ADGRL3: variants seen among roughly 807,000 people sequenced by gnomAD.
The protein encoded by ADGRL3 is calcium-independent alpha-latrotoxin receptor 3.
ADGRL3 carries 62 observed loss-of-function variants against 153.5 expected under a neutral mutation model. That is an observed-to-expected ratio of 0.40 (90% CI 0.33 to 0.50). The LOEUF is 0.50. ADGRL3 is among the 20% of genes least tolerant of loss of function. The probability of loss-of-function intolerance (pLI) is 0.47; values close to 1 mark genes in which losing one functional copy is unlikely to be tolerated. For missense variants in ADGRL3, 1,641 were observed against 1,859.4 expected, an observed-to-expected ratio of 0.88 and a Z score of 2.16; for synonymous variants, 710 against 672.5, an observed-to-expected ratio of 1.06 and a Z score of -0.86.
intron 9 of ADGRL3, among the ~76,000 whole-genome samples, chr4:61,816,858 C>A (rs2097694157): frequency 6.6e-6 from 1 of 152,148 alleles, no homozygotes. Flanking sequence ...CCCAGCCATC[C>A]CTGAGCTCTC....
chr4:61,648,540 C>A (rs186921163), intron 5 of ADGRL3, among the ~76,000 whole-genome samples: 42 of 148,402 alleles, frequency 2.8e-4, no homozygotes, highest in African/African-American at 1.0e-3. Flanking sequence ...TTTTCTGTTT[C>A]TTTTGGGGTT....
At chr4:62,029,054 T>G (rs550240898) in intron 22 of ADGRL3, among the ~76,000 whole-genome samples, 173 bp downstream of exon 22, 1 of 151,782 alleles carries the variant, frequency 6.6e-6, no homozygotes, top group Non-Finnish European at 1.5e-5. Context: ...ATAAATATGC[T>G]GCAGGTGTAT....
chr4:61,402,792 G>A lies in ADGRL3; in HGVS notation c.-174+19603G>A, dbSNP rs185260450. On this transcript the variant is annotated intron_variant, in intron 2 of 26. Coordinates refer to ENST00000683033, the MANE Select transcript of ADGRL3 (RefSeq NM_001387552.1). ...TTTCTTAATAAAAATGAATTGGGGAGGTGCGTTTCCATCATATTTCATTCA... is the reference window on the plus strand; with the variant it reads ...TTTCTTAATAAAAATGAATTGGGGAAGTGCGTTTCCATCATATTTCATTCA... Among the ~76,000 whole-genome samples the A allele has an allele frequency of 3.3e-3, 507 of 151,980 alleles. 2 individuals carry two copies. Among genetic ancestry groups the A allele is most frequent in the Middle Eastern group, 6.8e-3 (2 of 294 alleles).
At position 61,570,254 on chromosome 4, in the gene ADGRL3, A is replaced by G. The variant is rs377144396; in HGVS notation, c.260-16973A>G. ...CACTTTTTCTGCTAGTAATACAGCCATCTCTGTCCATTTTGATAGCATCCT... is the reference window on the plus strand; with the variant it reads ...CACTTTTTCTGCTAGTAATACAGCCGTCTCTGTCCATTTTGATAGCATCCT... On this transcript the variant is annotated intron_variant, in intron 4 of 26. Transcript: ENST00000683033. Among the ~76,000 whole-genome samples the G allele has an allele frequency of 2.6e-5, 4 of 152,224 alleles. No homozygotes were observed. The East Asian group carries it at 7.7e-4, about 29-fold the overall frequency.
chr4:61,305,767 A>T (rs555349745), intron 1 of ADGRL3, among the ~76,000 whole-genome samples: 2 of 152,260 alleles, frequency 1.3e-5, no homozygotes, highest in South Asian at 4.1e-4. Flanking sequence ...CATGGCTCAT[A>T]AATCCACTTC....
intron 2 of ADGRL3, among the ~76,000 whole-genome samples, chr4:61,485,009 T>A (rs867490220): frequency 5.3e-5 from 8 of 152,206 alleles, no homozygotes; most frequent in Non-Finnish European, 8.8e-5. Context: ...AAGCTCTTAA[T>A]CAGGCTAAAG....
rs115792771 is a variant in ADGRL3 at position 61,373,689 on chromosome 4, T to C, written c.-239-9435T>C. The stretch of plus-strand genomic sequence containing the variant: ...CTTTTGTTATTCTGAAAAATATTGT[T>C]TCACTTTAATAGACTTTTTTACTTT... On this transcript the variant is annotated intron_variant, in intron 1 of 26. Coordinates refer to ENST00000683033, the MANE Select transcript of ADGRL3 (RefSeq NM_001387552.1). Among the ~76,000 whole-genome samples the C allele has an allele frequency of 4.8e-3, 726 of 152,330 alleles. 10 individuals carry two copies. The highest frequency in any genetic ancestry group is 0.017 in the African/African-American group (699 of 41,580).
chr4:61,329,662 A>C (rs1425283628), intron 1 of ADGRL3, among the ~76,000 whole-genome samples: 2 of 152,030 alleles, frequency 1.3e-5, no homozygotes, highest in African/African-American at 2.4e-5. Context: ...ACTGTTTTTT[A>C]CTCAACAGTA....
chr4:61,248,573 A>G (rs2149408416), intron 1 of ADGRL3, among the ~76,000 whole-genome samples: 1 of 152,266 alleles, frequency 6.6e-6, no homozygotes, highest in South Asian at 2.1e-4. Flanking sequence ...AAGGGATGAA[A>G]TGGTTAATGG....
At chr4:61,321,614 T>C (rs778966855) in intron 1 of ADGRL3, among the ~76,000 whole-genome samples, 1 of 151,058 alleles carries the variant, frequency 6.6e-6, no homozygotes, top group Admixed American at 6.6e-5. Flanking sequence ...ACTGAGGCTA[T>C]ATGGTGTAGC....
intron 5 of ADGRL3, among the ~76,000 whole-genome samples, chr4:61,666,110 ACTTTTTT>A (rs2094784272): frequency 6.6e-6 from 1 of 152,120 alleles, no homozygotes; most frequent in African/African-American, 2.4e-5. Context: ...CTGTTTTGGT[ACTTTTTT>A]CTTTTTTAAC....
intron 2 of ADGRL3, among the ~76,000 whole-genome samples, chr4:61,486,512 A>G (rs2098196026): frequency 6.6e-6 from 1 of 152,164 alleles, no homozygotes. Context: ...AATCCAGCAA[A>G]TATTAGAAAC....
chr4:61,290,651 GAAGGAAGGAAGA>G (rs2094138796), intron 1 of ADGRL3, among the ~76,000 whole-genome samples: 1 of 137,156 alleles, frequency 7.3e-6, no homozygotes, highest in Non-Finnish European at 1.6e-5. Flanking sequence ...CAATATAAAG[GAAGGAAGGAAGA>G]AAGGAAGGAA....
intron 1 of ADGRL3, among the ~76,000 whole-genome samples, chr4:61,315,545 C>G (rs1184332151): frequency 1.3e-5 from 2 of 152,080 alleles, no homozygotes; most frequent in Non-Finnish European, 2.9e-5. Flanking sequence ...AAGTATAGCT[C>G]ACGTGATCCT....
intron 5 of ADGRL3, among the ~76,000 whole-genome samples, chr4:61,591,817 C>T (rs1024358484): frequency 6.6e-6 from 1 of 151,850 alleles, no homozygotes; most frequent in Non-Finnish European, 1.5e-5. Context: ...TGGCTCACAC[C>T]TGTAATCGCA....
intron 2 of ADGRL3, among the ~76,000 whole-genome samples, chr4:61,473,287 A>AAGAT (rs2097992115): frequency 6.6e-6 from 1 of 151,622 alleles, no homozygotes; most frequent in African/African-American, 2.4e-5. Context: ...ATTTCCAAGA[A>AAGAT]AGATAGAGAT....
At chr4:61,682,182 ATAT>A (rs912909924) in intron 6 of ADGRL3, among the ~76,000 whole-genome samples, 7 of 151,732 alleles carry the variant, frequency 4.6e-5, no homozygotes, top group South Asian at 2.1e-4. Context: ...ACCTTTTTTC[ATAT>A]TATTATTATT....
At chr4:61,291,583 C>CATATATATAT (rs1207822155) in intron 1 of ADGRL3, among the ~76,000 whole-genome samples, 1 of 77,542 alleles carries the variant, frequency 1.3e-5, no homozygotes, top group African/African-American at 5.0e-5. Context: ...TATATATATA[C>CATATATATAT]ATATATATAT....
At chr4:61,696,953 A>G (rs988056482) in intron 6 of ADGRL3, among the ~76,000 whole-genome samples, 2 of 152,106 alleles carry the variant, frequency 1.3e-5, no homozygotes, top group African/African-American at 4.8e-5. Flanking sequence ...CTAAGATTAC[A>G]GGTGTGAGCC....
Sources: allele counts gnomAD v4.1 joint callset (sites outside exome capture counted in the v4.1 genomes callset), GRCh38; gene constraint gnomAD v4.1.1; transcripts MANE v1.5; gene names NCBI Gene and HGNC (gene_info 2026-07-23, HGNC 2026-07-21).